Variants in SLC4A7 observed in about 807,000 individuals in gnomAD.
SLC4A7 encodes the protein sodium bicarbonate cotransporter 3.
A neutral mutation model predicts 137.6 loss-of-function variants in SLC4A7; 51 were observed. The observed-to-expected ratio is 0.37, with a 90% CI of 0.30 to 0.47. The LOEUF (loss-of-function observed/expected upper bound fraction) is 0.47. Among genes scored for constraint, SLC4A7 ranks in the 20% least tolerant of loss-of-function variants. The pLI, the probability that SLC4A7 is intolerant of heterozygous loss-of-function variation, is 1.00. For missense variants in SLC4A7, 1,247 were observed against 1,525.4 expected (o/e 0.82, Z 3.04); for synonymous variants, 542 against 518.6 (o/e 1.05, Z -0.61).
chr3:27,402,926 A>G (rs1406922225), intron 15 of SLC4A7, among the ~76,000 whole-genome samples: 2 of 151,580 alleles, frequency 1.3e-5, no homozygotes. Context: ...AAGCTATCTC[A>G]GTGAACAAAA....
intron 24 of SLC4A7, among the ~76,000 whole-genome samples, chr3:27,381,039 T>C (rs181530570): frequency 1.3e-5 from 2 of 152,364 alleles, no homozygotes; most frequent in East Asian, 1.9e-4. Flanking sequence ...AATACTTTCA[T>C]ATACTATCTC....
chr3:27,446,280 C>T (rs7651336), intron 3 of SLC4A7, among the ~76,000 whole-genome samples: 1 of 151,846 alleles, frequency 6.6e-6, no homozygotes, highest in Admixed American at 6.6e-5. Flanking sequence ...ATTTAATCCC[C>T]GTTATTCCAT....
At chr3:27,436,075 T>C (rs1442649396) in intron 5 of SLC4A7, among the ~76,000 whole-genome samples, 1 of 152,200 alleles carries the variant, frequency 6.6e-6, no homozygotes, top group East Asian at 1.9e-4. Flanking sequence ...ATTTTATGAG[T>C]AACTTGTACA....
intron 11 of SLC4A7, among the ~76,000 whole-genome samples, chr3:27,412,058 G>A (rs980281608): frequency 4.0e-5 from 6 of 151,800 alleles, no homozygotes; most frequent in Non-Finnish European, 7.4e-5. Context: ...AGCTACAAAC[G>A]TAAGTAACCT....
chr3:27,459,982 T>C lies in SLC4A7; in HGVS notation c.61-7484A>G, dbSNP rs1460844890. ...CATCTCAGTGTTATTTATATATATA[T>C]ATATATATACACACACACACACACA... On this transcript the variant is annotated intron_variant, in intron 1 of 25. Coordinates refer to ENST00000454389, the MANE Select transcript of SLC4A7 (RefSeq NM_001321103.2). Among the ~76,000 whole-genome samples the C allele has an allele frequency of 3.1e-5, 3 of 96,876 alleles. No individual in the cohort carries two copies. The East Asian group carries it at 1.8e-3, about 57-fold the overall frequency. 63.6% of individuals were successfully genotyped at this position (96,876 alleles called of 152,430 possible).
chr3:27,432,694 T>C (rs1362168644), intron 6 of SLC4A7, among the ~76,000 whole-genome samples: 2 of 152,168 alleles, frequency 1.3e-5, no homozygotes, highest in African/African-American at 4.8e-5. Context: ...ATTATAACTA[T>C]ATTTCAACAA....
chr3:27,413,332 G>C (rs2054087906), intron 11 of SLC4A7, among the ~76,000 whole-genome samples: 1 of 152,016 alleles, frequency 6.6e-6, no homozygotes, highest in Non-Finnish European at 1.5e-5. Context: ...ACTTTACAAA[G>C]GAATTCTTCC....
chr3:27,452,269 C>G (rs939788111), intron 2 of SLC4A7, 148 bp downstream of exon 2: 1 of 517,202 alleles, frequency 1.9e-6, no homozygotes, highest in Non-Finnish European at 3.3e-6. Flanking sequence ...CCAATACTTT[C>G]AAATGGCACT....
intron 25 of SLC4A7, among the ~76,000 whole-genome samples, chr3:27,378,652 G>T (rs2050131113): frequency 6.6e-6 from 1 of 152,176 alleles, no homozygotes; most frequent in Non-Finnish European, 1.5e-5. Context: ...CAATGGATTT[G>T]ATTTCTTCCA....
At chr3:27,402,438 G>A (rs1011131683) in intron 15 of SLC4A7, among the ~76,000 whole-genome samples, 2 of 152,036 alleles carry the variant, frequency 1.3e-5, no homozygotes, top group Admixed American at 6.6e-5. Flanking sequence ...AGTGGCTCAC[G>A]CCTGTAATCC....
chr3:27,441,342 G>C (rs1051973590), intron 3 of SLC4A7, among the ~76,000 whole-genome samples: 27 of 152,144 alleles, frequency 1.8e-4, no homozygotes, highest in African/African-American at 6.5e-4. Flanking sequence ...ACAAAATTGA[G>C]AAGTGTTCCC....
intron 20 of SLC4A7, among the ~76,000 whole-genome samples, chr3:27,393,326 G>C (rs1376725349): frequency 6.6e-6 from 1 of 152,048 alleles, no homozygotes; most frequent in Non-Finnish European, 1.5e-5. Context: ...TTAGAAAATT[G>C]GTCTCCAGAA....
intron 1 of SLC4A7, 60 bp from the exon 2 acceptor site, chr3:27,452,558 T>C: frequency 3.7e-6 from 4 of 1,088,782 alleles, no homozygotes; most frequent in Non-Finnish European, 5.3e-6. Flanking sequence ...ACCTATTATA[T>C]GCATCCTTTG....
chr3:27,394,843 A>T, intron 19 of SLC4A7, 74 bp from the exon 20 acceptor site: 1 of 1,558,858 alleles, frequency 6.4e-7, no homozygotes. Context: ...CACGAATTAT[A>T]AAGAGGGAAG....
intron 20 of SLC4A7, among the ~76,000 whole-genome samples, chr3:27,393,483 T>C (rs1476520957): frequency 6.6e-6 from 1 of 152,132 alleles, no homozygotes; most frequent in Non-Finnish European, 1.5e-5. Context: ...AATTTATCAA[T>C]ACAAAAAATG....
At chr3:27,443,250 G>A (rs1157768809) in intron 3 of SLC4A7, among the ~76,000 whole-genome samples, 1 of 151,642 alleles carries the variant, frequency 6.6e-6, no homozygotes, top group African/African-American at 2.4e-5. Context: ...GGCTGGTGTC[G>A]AACTCCTGAC....
chr3:27,437,426 G>A lies in SLC4A7; in HGVS notation c.390C>T (p.Tyr130=). The A allele has an allele frequency of 6.2e-7, 1 of 1,601,910 alleles. No homozygotes were observed. Among genetic ancestry groups the A allele is most frequent in the Non-Finnish European group, 8.5e-7 (1 of 1,173,228 alleles). ...TCCATTCATATTCTTCTCCATCTCTGTAACACAGTTCATCCATTTCCGTGA... is the reference window on the plus strand; with the variant it reads ...TCCATTCATATTCTTCTCCATCTCTATAACACAGTTCATCCATTTCCGTGA... ...DLFTEMDELC[Y]RDGEEYEWKE... is the part of the protein sequence containing the mutation. Residue 130 remains tyrosine (Y), a synonymous_variant, in exon 4 of 26, where the codon TAC becomes TAT. Coordinates refer to ENST00000454389, the MANE Select transcript of SLC4A7 (RefSeq NM_001321103.2).
At chr3:27,463,590 C>G (rs756439411) in intron 1 of SLC4A7, among the ~76,000 whole-genome samples, 1 of 151,980 alleles carries the variant, frequency 6.6e-6, no homozygotes, top group Non-Finnish European at 1.5e-5. Context: ...TGTATGTAAT[C>G]CTAGTGAGAC....
At chr3:27,383,285 C>T (rs766485484) in intron 23 of SLC4A7, 35 bp from the exon 24 acceptor site, 5 of 1,415,180 alleles carry the variant, frequency 3.5e-6, no homozygotes, top group Non-Finnish European at 5.0e-6. Context: ...TTACTTTTCC[C>T]AGAATATTTT....
Sources: allele counts gnomAD v4.1 joint callset (sites outside exome capture counted in the v4.1 genomes callset), GRCh38; gene constraint gnomAD v4.1.1; transcripts MANE v1.5; gene names NCBI Gene and HGNC (gene_info 2026-07-23, HGNC 2026-07-21).